Variants in TRIM67 observed in about 807,000 individuals in gnomAD.
TRIM67 encodes tripartite motif containing 67.
TRIM67 carries 39 observed loss-of-function variants against 71.0 expected under a neutral mutation model. The ratio of observed to expected loss-of-function variants is 0.55; its 90% CI spans 0.43 to 0.72. The LOEUF is 0.72. TRIM67 is among the 30% of genes least tolerant of loss of function. The pLI is 0.00. For synonymous variants in TRIM67, 481 were observed against 473.9 expected (o/e 1.01, Z -0.19); for missense variants, 973 against 1,079.2 (o/e 0.90, Z 1.38).
At chr1:231,188,324 G>T (rs1683140910) in intron 1 of TRIM67, among the ~76,000 whole-genome samples, 1 of 152,188 alleles carries the variant, frequency 6.6e-6, no homozygotes, top group Non-Finnish European at 1.5e-5. Context: ...GGCTGTGGAG[G>T]CTTCCTACAC....
intron 7 of TRIM67, 61 bp downstream of exon 7, chr1:231,206,851 G>T (rs1683716698): frequency 1.3e-6 from 2 of 1,494,572 alleles, no homozygotes; most frequent in African/African-American, 1.4e-5. Flanking sequence ...GTGACAACCA[G>T]ACAGCCACTT....
chr1:231,219,162 C>A lies in TRIM67; in HGVS notation c.*3722C>A. The stretch of plus-strand genomic sequence containing the variant: ...AATGCTAAAGAACACTGCTGCACAG[C>A]CCGTGGGGTGGCGCCAGGGTTTCTC... On this transcript the variant is annotated 3_prime_UTR_variant, in exon 10 of 10. Transcript: ENST00000366653. 1 of 985,532 alleles carries A rather than the reference C, an allele frequency of 1.0e-6. No homozygotes were observed. Among genetic ancestry groups the A allele is most frequent in the Non-Finnish European group, 1.2e-6 (1 of 830,080 alleles). The allele number at this position is 985,532 out of a possible 1,614,324, so 61.0% of individuals were successfully genotyped here.
chr1:231,184,556 C>T (rs1028113765), intron 1 of TRIM67: 15 of 167,936 alleles, frequency 8.9e-5, no homozygotes, highest in Admixed American at 5.7e-4. Context: ...CAGGCATGTG[C>T]CTACCCCTTG....
At chr1:231,204,129 G>A (rs1683630979) in intron 6 of TRIM67, 117 bp downstream of exon 6, 1 of 1,447,932 alleles carries the variant, frequency 6.9e-7, no homozygotes, top group East Asian at 2.4e-5. Context: ...CCATCCTGAG[G>A]GGACACTGGC....
At chr1:231,186,486 G>A (rs1232600545) in intron 1 of TRIM67, among the ~76,000 whole-genome samples, 1 of 152,168 alleles carries the variant, frequency 6.6e-6, no homozygotes, top group East Asian at 1.9e-4. Flanking sequence ...GGGCTATGCT[G>A]CCCCTGAGGG....
At chr1:231,188,314 G>A (rs1683140609) in intron 1 of TRIM67, among the ~76,000 whole-genome samples, 1 of 152,190 alleles carries the variant, frequency 6.6e-6, no homozygotes, top group African/African-American at 2.4e-5. Context: ...TTCGCAAAGT[G>A]GCTGTGGAGG....
intron 2 of TRIM67, among the ~76,000 whole-genome samples, chr1:231,198,513 A>T (rs1021309104): frequency 6.6e-6 from 1 of 152,098 alleles, no homozygotes; most frequent in African/African-American, 2.4e-5. Context: ...CAGCCCCCTG[A>T]GTAGCTGGGA....
intron 1 of TRIM67, among the ~76,000 whole-genome samples, chr1:231,168,276 C>T (rs767042890): frequency 1.6e-4 from 24 of 152,244 alleles, no homozygotes; most frequent in Non-Finnish European, 2.5e-4. Flanking sequence ...ACCTGACCAA[C>T]GTATATCATT....
At chr1:231,185,934 G>GGT (rs1683061400) in intron 1 of TRIM67, 1 of 662,592 alleles carries the variant, frequency 1.5e-6, no homozygotes, top group African/African-American at 1.8e-5. Flanking sequence ...GGAGATGAGT[G>GGT]TGATAAACGG....
rs187259367 is a variant in TRIM67, at chr1:231,185,108, C to T, written c.1045-12263C>T. ...GGGCACTTCGGTCACCATCTGCTGG[C>T]TCCTAAATCCGAGTTGCTGGCTCAA... On this transcript the variant is annotated intron_variant, in intron 1 of 9. Transcript: ENST00000366653. The T allele has an allele frequency of 3.4e-4, 522 of 1,532,928 alleles. 12 individuals carry two copies. The African/African-American group carries it at 6.6e-3, about 19-fold the overall frequency. The allele number at this position is 1,532,928 out of a possible 1,614,324, so 95.0% of individuals were successfully genotyped here. A position where few individuals can be genotyped will look rare whatever the true frequency, so the allele number is the denominator to read the frequency against.
chr1:231,187,107 C>T (rs1245275396), intron 1 of TRIM67, among the ~76,000 whole-genome samples: 1 of 152,126 alleles, frequency 6.6e-6, no homozygotes, highest in Non-Finnish European at 1.5e-5. Flanking sequence ...ACCAGGAAGT[C>T]GTAGCTGTGT....
Position 231,217,534 on chromosome 1 carries a change from C to T in TRIM67, c.*2094C>T, listed in dbSNP as rs2102769900. ...AAGATTGAGGATGAAGAGGAGCCAC[C>T]ACTTTCCTGGGGCCAAGGAAGCCAT... On this transcript the variant is annotated 3_prime_UTR_variant, in exon 10 of 10. Transcript: ENST00000366653. The T allele has an allele frequency of 4.0e-6, 4 of 1,006,554 alleles. No individual in the cohort carries two copies. Among genetic ancestry groups the T allele is most frequent in the East Asian group, 1.0e-4 (1 of 10,020 alleles). 62.4% of individuals were successfully genotyped at this position (1,006,554 alleles called of 1,614,324 possible). A position where few individuals can be genotyped will look rare whatever the true frequency, so the allele number is the denominator to read the frequency against.
chr1:231,163,300 G>A lies in TRIM67; in HGVS notation c.331G>A (p.Gly111Ser), dbSNP rs1682346460. The A allele has an allele frequency of 1.3e-6, 2 of 1,518,428 alleles. No homozygotes were observed. The highest frequency in any genetic ancestry group is 2.5e-5 in the South Asian group (2 of 80,542). 94.1% of individuals were successfully genotyped at this position (1,518,428 alleles called of 1,614,324 possible). A position where few individuals can be genotyped will look rare whatever the true frequency, so the allele number is the denominator to read the frequency against. Residue 111 changes from glycine (G) to serine (S), a missense_variant, in exon 1 of 10, where the codon GGC becomes AGC. Physicochemically the swap from Gly to Ser is moderately conservative, Grantham distance 56. Transcript: ENST00000366653. ...CAGCTTGTACAGCGAGACAGACAGCGGCTACGGGTCCTACACCCCGAGCCT... is the reference window on the plus strand; with the variant it reads ...CAGCTTGTACAGCGAGACAGACAGCAGCTACGGGTCCTACACCCCGAGCCT... ...KLSLYSETDS[G>S]YGSYTPSLKS...
chr1:231,201,230 G>A (rs1683511119), intron 4 of TRIM67, 128 bp from the exon 5 acceptor site: 6 of 934,822 alleles, frequency 6.4e-6, no homozygotes, highest in Non-Finnish European at 9.4e-6. Flanking sequence ...TCTCTGCCAT[G>A]GCTCTAGAGC....
At chr1:231,178,929 G>T (rs1682828253) in intron 1 of TRIM67, among the ~76,000 whole-genome samples, 1 of 152,156 alleles carries the variant, frequency 6.6e-6, no homozygotes, top group Non-Finnish European at 1.5e-5. Context: ...CTTCCCTTGT[G>T]TCCTAGAGAG....
chr1:231,204,642 C>T (rs1425297439), intron 6 of TRIM67, among the ~76,000 whole-genome samples: 7 of 152,312 alleles, frequency 4.6e-5, no homozygotes, highest in South Asian at 4.1e-4. Context: ...CACTCCGTGA[C>T]GTTCAGGCGG....
At chr1:231,177,201 G>A (rs942884476) in intron 1 of TRIM67, among the ~76,000 whole-genome samples, 3 of 152,192 alleles carry the variant, frequency 2.0e-5, no homozygotes, top group African/African-American at 4.8e-5. Flanking sequence ...GAATGAGCAC[G>A]GAGCAGAGAC....
At chr1:231,176,023 G>A (rs1301843385) in intron 1 of TRIM67, among the ~76,000 whole-genome samples, 1 of 152,140 alleles carries the variant, frequency 6.6e-6, no homozygotes, top group African/African-American at 2.4e-5. Flanking sequence ...GTGGAATGTG[G>A]GACCCAGCTA....
chr1:231,214,744 A>G (rs1170324553), intron 9 of TRIM67, among the ~76,000 whole-genome samples: 1 of 143,502 alleles, frequency 7.0e-6, no homozygotes, highest in South Asian at 2.2e-4. Context: ...GCACCACTGC[A>G]CTCCAGCCTG....
Sources: gnomAD v4.1 joint callset for allele counts (sites outside exome capture counted in the v4.1 genomes callset) on GRCh38, gnomAD v4.1.1 for gene constraint, MANE v1.5 for transcripts, NCBI Gene and HGNC (gene_info 2026-07-23, HGNC 2026-07-21) for gene names.